CSMD3: variants seen among roughly 807,000 people sequenced by gnomAD.
CSMD3 encodes the protein CUB and sushi domain-containing protein 3.
A neutral mutation model predicts 435.2 loss-of-function variants in CSMD3; 177 were observed. The observed-to-expected ratio is 0.41, with a 90% CI of 0.36 to 0.46. The LOEUF (loss-of-function observed/expected upper bound fraction) is 0.46, where lower values mean the gene tolerates loss of function less well. CSMD3 is among the 20% of genes least tolerant of loss of function. The pLI is 0.34. For missense variants in CSMD3, 4,265 were observed against 4,504.6 expected (o/e 0.95, Z 1.52); for synonymous variants, 1,656 against 1,520.5 (o/e 1.09, Z -2.07).
chr8:113,137,450 G>A (rs909293850), intron 4 of CSMD3, among the ~76,000 whole-genome samples: 1 of 151,548 alleles, frequency 6.6e-6, no homozygotes, highest in African/African-American at 2.4e-5. Context: ...ATGCAATTGT[G>A]CTAGCTCATT....
chr8:112,538,090 C>T (rs1395586156), intron 27 of CSMD3, among the ~76,000 whole-genome samples: 3 of 151,848 alleles, frequency 2.0e-5, no homozygotes, highest in African/African-American at 7.3e-5. Context: ...TGGACATAAA[C>T]TATATGAAGC....
intron 1 of CSMD3, among the ~76,000 whole-genome samples, chr8:113,318,849 A>G (rs1208071461): frequency 1.3e-5 from 2 of 149,238 alleles, no homozygotes; most frequent in African/African-American, 4.9e-5. Context: ...GTGTATATAT[A>G]AAAAGGGATC....
chr8:113,059,994 TA>T (rs2088534440), intron 5 of CSMD3, among the ~76,000 whole-genome samples: 1 of 86,932 alleles, frequency 1.2e-5, no homozygotes, highest in Non-Finnish European at 2.1e-5. Context: ...TTTATTTATT[TA>T]TTTTTTTTTT....
chr8:112,816,724 A>T (rs1048971811), intron 12 of CSMD3, among the ~76,000 whole-genome samples: 1 of 152,060 alleles, frequency 6.6e-6, no homozygotes, highest in Non-Finnish European at 1.5e-5. Flanking sequence ...ACTAAGAGCA[A>T]TGATAGTCAT....
intron 2 of CSMD3, among the ~76,000 whole-genome samples, chr8:113,307,090 T>C (rs1204497830): frequency 6.6e-6 from 1 of 151,972 alleles, no homozygotes; most frequent in East Asian, 1.9e-4. Flanking sequence ...CAAGAAGGTA[T>C]AAAAATATTA....
chr8:113,227,047 G>T (rs2093036421), intron 3 of CSMD3, among the ~76,000 whole-genome samples: 2 of 151,456 alleles, frequency 1.3e-5, no homozygotes, highest in Non-Finnish European at 3.0e-5. Context: ...GTACAGATTG[G>T]GTTTTAAAAT....
At chr8:113,230,628 G>C (rs1273870745) in intron 3 of CSMD3, among the ~76,000 whole-genome samples, 1 of 151,508 alleles carries the variant, frequency 6.6e-6, no homozygotes, top group African/African-American at 2.4e-5. Context: ...ATATTCTAAA[G>C]ACAGATTTTA....
intron 59 of CSMD3, among the ~76,000 whole-genome samples, chr8:112,271,469 T>C (rs1030705640): frequency 2.0e-5 from 3 of 152,210 alleles, no homozygotes; most frequent in South Asian, 4.1e-4. Context: ...CATTTGACCA[T>C]TGTAGTGAAG....
At chr8:112,793,296 A>T (rs902802549) in intron 13 of CSMD3, among the ~76,000 whole-genome samples, 2 of 150,416 alleles carry the variant, frequency 1.3e-5, no homozygotes, top group African/African-American at 2.4e-5. Context: ...GCAGAAGGTA[A>T]TCCTCATATT....
At chr8:113,245,351 G>A (rs988424141) in intron 3 of CSMD3, among the ~76,000 whole-genome samples, 4 of 151,778 alleles carry the variant, frequency 2.6e-5, no homozygotes, top group East Asian at 1.9e-4. Flanking sequence ...TTCCACTACT[G>A]TTTTGTATTG....
chr8:112,314,404 T>C lies in CSMD3; in HGVS notation c.7549+25A>G, dbSNP rs528841508. On this transcript the variant is annotated intron_variant, in intron 48 of 70. Transcript: ENST00000297405. The stretch of plus-strand genomic sequence containing the variant: ...AACATTTGTACTTAATTGATGAATA[T>C]CCAATAAATATAACCCTTGGTTACC... 6.2e-5 allele frequency: 91 copies of C among 1,473,578 alleles called. 1 individual carries two copies. The East Asian group carries it at 1.2e-3, about 20-fold the overall frequency. 91.3% of individuals were successfully genotyped at this position (1,473,578 alleles called of 1,614,324 possible).
At chr8:112,268,140 T>G (rs1377685331) in intron 59 of CSMD3, among the ~76,000 whole-genome samples, 3 of 152,150 alleles carry the variant, frequency 2.0e-5, no homozygotes, top group African/African-American at 7.2e-5. Flanking sequence ...ATACTTTGAC[T>G]CTTGTATGCT....
intron 3 of CSMD3, among the ~76,000 whole-genome samples, chr8:113,239,509 T>TCTATCTATCTAG (rs1278732098): frequency 6.6e-6 from 1 of 150,886 alleles, no homozygotes; most frequent in African/African-American, 2.4e-5. Context: ...TATCTATCTA[T>TCTATCTATCTAG]CTATCTATCT....
chr8:112,691,639 T>A (rs1290772423), intron 13 of CSMD3, among the ~76,000 whole-genome samples: 2 of 152,172 alleles, frequency 1.3e-5, no homozygotes, highest in African/African-American at 4.8e-5. Context: ...GATTTTTTAA[T>A]ATCTCCTTTA....
chr8:113,166,360 C>T (rs907917288), intron 4 of CSMD3, among the ~76,000 whole-genome samples: 1 of 151,980 alleles, frequency 6.6e-6, no homozygotes, highest in African/African-American at 2.4e-5. Context: ...CAACAATTAG[C>T]TTGATGTGGT....
chr8:113,095,763 T>C (rs1406818142), intron 5 of CSMD3, among the ~76,000 whole-genome samples: 1 of 152,172 alleles, frequency 6.6e-6, no homozygotes, highest in Non-Finnish European at 1.5e-5. Flanking sequence ...TTGTACATAA[T>C]CTGGAGATTA....
At chr8:112,309,669 T>C (rs1040902366) in intron 50 of CSMD3, among the ~76,000 whole-genome samples, 2 of 152,132 alleles carry the variant, frequency 1.3e-5, no homozygotes, top group African/African-American at 4.8e-5. Flanking sequence ...GTAATGGTGC[T>C]TCCCAGAATC....
chr8:113,079,523 C>A, intron 5 of CSMD3, among the ~76,000 whole-genome samples: 1 of 152,006 alleles, frequency 6.6e-6, no homozygotes, highest in Middle Eastern at 3.4e-3. Flanking sequence ...AAGACTGCAT[C>A]TGAGGTTGCA....
At chr8:112,230,579 A>G (rs1812993763) in intron 69 of CSMD3, among the ~76,000 whole-genome samples, 1 of 152,156 alleles carries the variant, frequency 6.6e-6, no homozygotes, top group South Asian at 2.1e-4. Context: ...ACCTGAGGTC[A>G]GGAGTTTGGG....
Sources: allele counts gnomAD v4.1 joint callset (sites outside exome capture counted in the v4.1 genomes callset), GRCh38; gene constraint gnomAD v4.1.1; transcripts MANE v1.5; gene names NCBI Gene and HGNC (gene_info 2026-07-23, HGNC 2026-07-21).